MPHOSPH6: variants seen among roughly 807,000 people sequenced by gnomAD.
MPHOSPH6 encodes M-phase phosphoprotein 6.
Under a neutral mutation model 21.8 loss-of-function variants are expected in MPHOSPH6, and 25 were observed. The observed-to-expected ratio is 1.15, with a 90% CI of 0.83 to 1.60. The LOEUF is 1.60. Ranked by LOEUF, MPHOSPH6 falls within the 40% of genes most tolerant of loss-of-function variation. The pLI, the probability that MPHOSPH6 is intolerant of heterozygous loss-of-function variation, is 0.00. For synonymous variants in MPHOSPH6, 84 were observed against 56.5 expected, an observed-to-expected ratio of 1.49 and a Z score of -2.18; for missense variants, 269 against 181.8, an observed-to-expected ratio of 1.48 and a Z score of -2.76.
At chr16:82,163,840 G>C (rs1906678629) in intron 2 of MPHOSPH6, 5 of 402,154 alleles carry the variant, frequency 1.2e-5, no homozygotes, top group African/African-American at 6.3e-5. Context: ...AGATATGTGG[G>C]CTAGGTTCCT....
At chr16:82,153,461 G>A (rs986844445) in intron 2 of MPHOSPH6, among the ~76,000 whole-genome samples, 1 of 152,258 alleles carries the variant, frequency 6.6e-6, no homozygotes, top group Non-Finnish European at 1.5e-5. Context: ...AGATTGTGGA[G>A]CAGGGAGTGG....
intron 1 of MPHOSPH6, among the ~76,000 whole-genome samples, chr16:82,166,198 CT>C (rs1470056078): frequency 6.6e-6 from 1 of 152,200 alleles, no homozygotes; most frequent in East Asian, 1.9e-4. Context: ...CTTTTTGCAA[CT>C]TCCTGTGAAT....
chr16:82,166,464 G>C (rs114123892), intron 1 of MPHOSPH6, among the ~76,000 whole-genome samples: 2,479 of 152,240 alleles, frequency 0.016, 66 homozygotes, highest in African/African-American at 0.057. Flanking sequence ...CATTTGGCTT[G>C]GCTCTTCCTA....
chr16:82,148,970 G>T (rs1906176136), intron 4 of MPHOSPH6, 107 bp from the exon 5 acceptor site: 4 of 1,346,208 alleles, frequency 3.0e-6, no homozygotes, highest in South Asian at 1.4e-5. Flanking sequence ...TTACGAAAAA[G>T]AAAACTATCA....
At chr16:82,161,572 C>T (rs1007899374) in intron 2 of MPHOSPH6, among the ~76,000 whole-genome samples, 1 of 152,218 alleles carries the variant, frequency 6.6e-6, no homozygotes, top group South Asian at 2.1e-4. Flanking sequence ...GGAATTCACA[C>T]TATATCGGGT....
At chr16:82,163,977 A>G in intron 2 of MPHOSPH6, 105 bp downstream of exon 2, 1 of 717,152 alleles carries the variant, frequency 1.4e-6, no homozygotes, top group Non-Finnish European at 2.3e-6. Flanking sequence ...AACTGAACAG[A>G]AACAATTTCA....
intron 2 of MPHOSPH6, among the ~76,000 whole-genome samples, chr16:82,161,926 C>T (rs1041940564): frequency 3.9e-5 from 6 of 152,122 alleles, no homozygotes; most frequent in Non-Finnish European, 7.3e-5. Context: ...ATGGGAAAGT[C>T]GAGACTTTCA....
intron 1 of MPHOSPH6, among the ~76,000 whole-genome samples, chr16:82,167,315 T>C (rs62045964): frequency 0.65 from 99,084 of 151,972 alleles, 34,417 homozygotes; most frequent in East Asian, 0.78. Flanking sequence ...GTCAGAGGCA[T>C]TGAAGTGAGT....
intron 1 of MPHOSPH6, among the ~76,000 whole-genome samples, chr16:82,166,268 G>C (rs770681541): frequency 7.2e-5 from 11 of 152,222 alleles, no homozygotes; most frequent in Non-Finnish European, 1.3e-4. Context: ...GTGTTTTGCA[G>C]TCGTCATCCA....
chr16:82,168,844 A>C (rs1467981285), intron 1 of MPHOSPH6, among the ~76,000 whole-genome samples: 2 of 152,188 alleles, frequency 1.3e-5, no homozygotes, highest in African/African-American at 4.8e-5. Flanking sequence ...GACATGTAAC[A>C]GTTTGCTACT....
intron 1 of MPHOSPH6, among the ~76,000 whole-genome samples, chr16:82,166,050 C>T (rs546932514): frequency 8.6e-4 from 131 of 152,328 alleles, no homozygotes; most frequent in Admixed American, 2.4e-3. Flanking sequence ...CAACCGTCCA[C>T]GCAAAATGAG....
At chr16:82,151,576 A>G (rs1307941443) in intron 2 of MPHOSPH6, 62 bp from the exon 3 acceptor site, 1 of 1,484,982 alleles carries the variant, frequency 6.7e-7, no homozygotes, top group Non-Finnish European at 9.0e-7. Context: ...AAAAGCCAAC[A>G]CTTTGAATAA....
chr16:82,151,268 C>T, intron 3 of MPHOSPH6, 156 bp downstream of exon 3: 1 of 1,091,236 alleles, frequency 9.2e-7, no homozygotes, highest in Non-Finnish European at 1.3e-6. Flanking sequence ...GCAATGCCTC[C>T]AATTTCTTTA....
chr16:82,163,180 T>C (rs1439351231), intron 2 of MPHOSPH6, among the ~76,000 whole-genome samples: 3 of 152,172 alleles, frequency 2.0e-5, no homozygotes, highest in Non-Finnish European at 4.4e-5. Flanking sequence ...ACATTCCAAA[T>C]CAAAGCCCAA....
chr16:82,151,372 G>GA, intron 3 of MPHOSPH6, 52 bp downstream of exon 3: 1 of 1,594,074 alleles, frequency 6.3e-7, no homozygotes, highest in Non-Finnish European at 8.5e-7. Flanking sequence ...ATTATTAGCA[G>GA]AAAAAAATTC....
intron 1 of MPHOSPH6, 49 bp from the exon 2 acceptor site, chr16:82,164,243 C>T (rs751659724): frequency 2.6e-5 from 31 of 1,188,706 alleles, no homozygotes; most frequent in Non-Finnish European, 3.3e-5. Context: ...CATTTTAGAA[C>T]TGAGGAAACC....
At chr16:82,162,597 C>T (rs180839191) in intron 2 of MPHOSPH6, among the ~76,000 whole-genome samples, 8 of 152,304 alleles carry the variant, frequency 5.3e-5, no homozygotes, top group South Asian at 2.1e-4. Context: ...CCCACCCACC[C>T]GTTGACTCTG....
chr16:82,164,170 C>G lies in MPHOSPH6; in HGVS notation c.76G>C (p.Glu26Gln). ...MKFMQRGLDS[E>Q]TKKQLEEEEK... Reference sequence around the variant, plus strand: ...TCTTCTTCTAGTTGTTTCTTGGTTTCTGAGTCCAGTCCCCTTTGCATAAAC... The same window carrying G: ...TCTTCTTCTAGTTGTTTCTTGGTTTGTGAGTCCAGTCCCCTTTGCATAAAC... The change falls in exon 2 of 5, where the codon GAA (glutamate) becomes CAA (glutamine). Residue 26 changes from glutamate (E) to glutamine (Q), a missense_variant. Transcript: ENST00000258169. 6.2e-7 allele frequency: 1 copy of G among 1,610,996 alleles called. No individual in the cohort carries two copies. The highest frequency in any genetic ancestry group is 8.5e-7 in the Non-Finnish European group (1 of 1,179,714).
chr16:82,169,210 C>A (rs1300312659), intron 1 of MPHOSPH6, among the ~76,000 whole-genome samples: 2 of 152,196 alleles, frequency 1.3e-5, no homozygotes, highest in East Asian at 3.8e-4. Flanking sequence ...CCTCAAATTC[C>A]CTGCACGTTG....
Sources: allele counts gnomAD v4.1 joint callset (sites outside exome capture counted in the v4.1 genomes callset), GRCh38; gene constraint gnomAD v4.1.1; transcripts MANE v1.5; gene names NCBI Gene and HGNC (gene_info 2026-07-23, HGNC 2026-07-21).